SPEN: variants seen among roughly 807,000 people sequenced by gnomAD.
SPEN encodes spen family transcriptional repressor, also known as msx2-interacting protein.
In SPEN, 18 loss-of-function variants were observed where a neutral mutation model predicts 269.9. The observed-to-expected ratio is 0.07, with a 90% CI of 0.05 to 0.10. The LOEUF (loss-of-function observed/expected upper bound fraction) is 0.10. Ranked by LOEUF, SPEN falls within the 10% of genes least tolerant of loss-of-function variation. The pLI is 1.00. For synonymous variants in SPEN, 1,726 were observed against 1,765.7 expected (o/e 0.98, Z 0.56); for missense variants, 3,822 against 4,631.2 (o/e 0.83, Z 5.07).
chr1:15,851,949 C>T (rs1227330089), intron 1 of SPEN, among the ~76,000 whole-genome samples: 1 of 152,050 alleles, frequency 6.6e-6, no homozygotes, highest in Non-Finnish European at 1.5e-5. Flanking sequence ...TGCCACTGCA[C>T]TCTAGCCTGG....
At chr1:15,884,101 C>T (rs557206938) in intron 3 of SPEN, among the ~76,000 whole-genome samples, 6 of 152,172 alleles carry the variant, frequency 3.9e-5, no homozygotes, top group Admixed American at 1.3e-4. Flanking sequence ...TGAGCCACAG[C>T]GCTCGGCTTG....
At chr1:15,856,565 CTTTTTTTT>C (rs34812900) in intron 1 of SPEN, among the ~76,000 whole-genome samples, 1 of 102,486 alleles carries the variant, frequency 9.8e-6, no homozygotes, top group South Asian at 3.7e-4. Context: ...CTGCCAGATA[CTTTTTTTT>C]TTTTTTTTTT....
At chr1:15,849,177 A>G (rs761698675) in intron 1 of SPEN, among the ~76,000 whole-genome samples, 31 of 152,242 alleles carry the variant, frequency 2.0e-4, no homozygotes, top group Admixed American at 1.8e-3. Context: ...CAGAGGGACC[A>G]TAGCAAATCT....
chr1:15,915,036 A>G (rs2071045237), intron 5 of SPEN, among the ~76,000 whole-genome samples: 1 of 152,212 alleles, frequency 6.6e-6, no homozygotes, highest in South Asian at 2.1e-4. Flanking sequence ...TGAAAAGTAA[A>G]TGAAATTAAA....
rs375305560 is a variant in SPEN at position 15,936,137 on chromosome 1, C to T, written c.9897C>T (p.Ser3299=). ...ATGGGGTGCAGATTGTGCACTCCAGCGGGGAGCTGTTTCAAGAGTACCGGT... is the reference window on the plus strand; with the variant it reads ...ATGGGGTGCAGATTGTGCACTCCAGTGGGGAGCTGTTTCAAGAGTACCGGT... ...VTHGVQIVHS[S]GELFQEYRYG... is the part of the protein sequence containing the mutation. The change falls in exon 11 of 15, where the codon AGC becomes AGT. Residue 3299 remains serine (S), a synonymous_variant. Transcript: ENST00000375759. The T allele has an allele frequency of 1.0e-4, 162 of 1,611,372 alleles. No homozygotes were observed. The highest frequency in any genetic ancestry group is 1.7e-4 in the Middle Eastern group (1 of 6,056).
intron 1 of SPEN, among the ~76,000 whole-genome samples, chr1:15,849,542 C>T (rs1196721866): frequency 6.6e-6 from 1 of 151,584 alleles, no homozygotes; most frequent in Non-Finnish European, 1.5e-5. Flanking sequence ...GAGCTGTCCT[C>T]GGCAGGCCGG....
intron 3 of SPEN, among the ~76,000 whole-genome samples, chr1:15,892,130 C>T (rs894132539): frequency 2.7e-5 from 4 of 150,198 alleles, no homozygotes; most frequent in African/African-American, 9.9e-5. Context: ...ACGTCATTCT[C>T]CTGCCTCAGC....
At position 15,931,085 on chromosome 1, in the gene SPEN, T is replaced by C. The variant is rs1156697455; in HGVS notation, c.4845T>C (p.Asn1615=). The C allele has an allele frequency of 6.2e-7, 1 of 1,613,892 alleles. No homozygotes were observed. Among genetic ancestry groups the C allele is most frequent in the South Asian group, 1.1e-5 (1 of 91,028 alleles). Residue 1615 remains asparagine (N), a synonymous_variant, in exon 11 of 15, where the codon AAT becomes AAC. Coordinates refer to ENST00000375759, the MANE Select transcript of SPEN (RefSeq NM_015001.3). This position sits in a 1 kb window ranked among gnomAD's most constrained non-coding sequence, Gnocchi z 4.8. ...TTGAGAAACAGGAAGATACAGAGAATCATCCCAAGACCCCAGAATCTGCTC... is the reference window on the plus strand; with the variant it reads ...TTGAGAAACAGGAAGATACAGAGAACCATCCCAAGACCCCAGAATCTGCTC... The part of the protein sequence containing the change: ...KEVEKQEDTE[N]HPKTPESAPE...
At position 15,927,405 on chromosome 1, in the gene SPEN, T is replaced by C. The variant is rs569482038; in HGVS notation, c.1851-686T>C. ...TGAGGAAAAGCTGCCATTTTATGAG[T>C]GAGGAGACTGAGTTCAGAGAGTTTA... On this transcript the variant is annotated intron_variant, in intron 10 of 14. Coordinates refer to ENST00000375759, the MANE Select transcript of SPEN (RefSeq NM_015001.3). 5.3e-5 allele frequency among the ~76,000 whole-genome samples: 8 copies of C among 152,314 alleles called. No homozygotes were observed. The South Asian group carries it at 1.4e-3, about 28-fold the overall frequency.
At chr1:15,882,769 A>G (rs978957410) in intron 3 of SPEN, among the ~76,000 whole-genome samples, 2 of 152,250 alleles carry the variant, frequency 1.3e-5, no homozygotes, top group Non-Finnish European at 2.9e-5. Context: ...CACCTGTACT[A>G]GGATGAAAGG....
chr1:15,928,404 A>G lies in SPEN; in HGVS notation c.2164A>G (p.Ile722Val), dbSNP rs1279484301. 1 of 1,614,138 alleles carries G rather than the reference A, an allele frequency of 6.2e-7. No homozygotes were observed. Among genetic ancestry groups the G allele is most frequent in the Non-Finnish European group, 8.5e-7 (1 of 1,180,030 alleles). ...DRDRDHERRPIERSQSPVHLR... is the reference protein window; with the variant it reads ...DRDRDHERRPVERSQSPVHLR... The stretch of plus-strand genomic sequence containing the variant: ...GGACAGAGACCATGAGAGGAGGCCG[A>G]TTGAACGAAGTCAAAGTCCTGTTCA... Residue 722 changes from isoleucine (I) to valine (V), a missense_variant, in exon 11 of 15, where the codon ATT (isoleucine) becomes GTT (valine). Physicochemically the swap from Ile to Val is conservative, Grantham distance 29 (BLOSUM62 3). This residue lies in a region of SPEN where 572 missense variants were observed against 582.6 expected (regional missense o/e 0.98). Coordinates refer to ENST00000375759, the MANE Select transcript of SPEN (RefSeq NM_015001.3). The surrounding 1 kb of genome is among the most constrained non-coding windows in gnomAD (Gnocchi z 5.7).
In SPEN at chr1:15,932,059, A is replaced by G. The variant is rs2071226597; in HGVS notation, c.5819A>G (p.Glu1940Gly). Residue 1940 changes from glutamate to glycine, a missense_variant, in exon 11 of 15, where the codon GAG becomes GGG. Transcript: ENST00000375759. This position sits in a 1 kb window ranked among gnomAD's most constrained non-coding sequence, Gnocchi z 4.2. ...AAGAGATTGGAGCGAGAGCTTCAGG[A>G]GGCTGCAGCGGTTCCCACCACCCCT... The part of the protein sequence containing the change: ...TRKRLERELQ[E>G]AAAVPTTPRR... The G allele has an allele frequency of 6.2e-7, 1 of 1,614,178 alleles. No individual in the cohort carries two copies.
Position 15,899,952 on chromosome 1 carries a change from TCTC to T in SPEN, c.882-9366_882-9364del, listed in dbSNP as rs1329646042. 1.3e-4 allele frequency among the ~76,000 whole-genome samples: 19 copies of T among 151,996 alleles called. 1 individual carries two copies. The highest frequency in any genetic ancestry group is 8.8e-5 in the Non-Finnish European group (6 of 67,988). On this transcript the variant is annotated intron_variant, in intron 3 of 14. Coordinates refer to ENST00000375759, the MANE Select transcript of SPEN (RefSeq NM_015001.3). ...CCTCTGCCTCCCAGGTTCAAGCAGT[TCTC>T]CTGCCTCAGCCTCCTGAGTAGCTGG...
At chr1:15,862,444 A>G (rs139353420) in intron 1 of SPEN, among the ~76,000 whole-genome samples, 29 of 152,288 alleles carry the variant, frequency 1.9e-4, no homozygotes, top group Non-Finnish European at 3.4e-4. Context: ...TGATTCTTGC[A>G]GTATAAACTC....
At chr1:15,922,427 A>C (rs1226216682) in intron 10 of SPEN, 78 bp downstream of exon 10, 53 of 956,278 alleles carry the variant, frequency 5.5e-5, no homozygotes, top group African/African-American at 8.4e-5. Flanking sequence ...ATTAAATTTT[A>C]TTTTTCACTC....
chr1:15,918,660 AAATTTTG>A (rs1271018817), intron 6 of SPEN, among the ~76,000 whole-genome samples: 2 of 152,216 alleles, frequency 1.3e-5, no homozygotes, highest in East Asian at 1.9e-4. Context: ...TATGGATTTT[AAATTTTG>A]AATTTTGAAT....
At chr1:15,898,940 C>T (rs967421924) in intron 3 of SPEN, among the ~76,000 whole-genome samples, 11 of 151,858 alleles carry the variant, frequency 7.2e-5, no homozygotes, top group Admixed American at 4.6e-4. Context: ...ACTCATCTGT[C>T]GATAGACACT....
chr1:15,894,409 G>A (rs1311077846), intron 3 of SPEN, among the ~76,000 whole-genome samples: 1 of 151,866 alleles, frequency 6.6e-6, no homozygotes, highest in African/African-American at 2.4e-5. Flanking sequence ...GAGTGTGAAG[G>A]GTCCAGTAAA....
chr1:15,915,684 G>A (rs961134330), intron 5 of SPEN, among the ~76,000 whole-genome samples: 22 of 151,926 alleles, frequency 1.4e-4, no homozygotes, highest in Admixed American at 3.3e-4. Context: ...ACAGGCGTGC[G>A]CCACCATACT....
Sources: gnomAD v4.1 joint callset for allele counts (sites outside exome capture counted in the v4.1 genomes callset) on GRCh38, gnomAD v4.1.1 for gene constraint, gnomAD v4.1.1 regional missense constraint, Gnocchi (gnomAD v3.1) non-coding constraint, MANE v1.5 for transcripts, NCBI Gene and HGNC (gene_info 2026-07-23, HGNC 2026-07-21) for gene names.